The following CEP290 variants were observed in gnomAD, a reference collection of about 807,000 sequenced individuals.
CEP290 encodes the protein centrosomal protein of 290 kDa.
A neutral mutation model predicts 344.9 loss-of-function variants in CEP290; 317 were observed. The observed-to-expected ratio is 0.92, with a 90% CI of 0.84 to 1.01. The LOEUF (loss-of-function observed/expected upper bound fraction) is 1.01. Ranked by LOEUF, CEP290 falls within the 50% of genes least tolerant of loss-of-function variation. The pLI, the probability that CEP290 is intolerant of heterozygous loss-of-function variation, is 0.00. For missense variants in CEP290, 2,754 were observed against 2,761.4 expected (o/e 1.00, Z 0.06); for synonymous variants, 932 against 895.8 (o/e 1.04, Z -0.72).
chr12:88,120,898 G>A (rs961489489), intron 14 of CEP290, 99 bp downstream of exon 14: 1 of 915,472 alleles, frequency 1.1e-6, no homozygotes, highest in Non-Finnish European at 1.6e-6. Context: ...AGATACTTAT[G>A]GAATGTTTTT....
intron 44 of CEP290, among the ~76,000 whole-genome samples, chr12:88,065,923 T>C (rs1433873532): frequency 6.6e-6 from 1 of 152,190 alleles, no homozygotes; most frequent in African/African-American, 2.4e-5. Context: ...TATAACGAAC[T>C]TCACGAGACT....
chr12:88,106,163 G>C (rs1364782709), intron 25 of CEP290, among the ~76,000 whole-genome samples: 1 of 152,124 alleles, frequency 6.6e-6, no homozygotes, highest in African/African-American at 2.4e-5. Flanking sequence ...AAGTATTCTT[G>C]CCAAAAATGT....
intron 27 of CEP290, among the ~76,000 whole-genome samples, chr12:88,096,098 G>T (rs2037408563): frequency 6.6e-6 from 1 of 151,874 alleles, no homozygotes; most frequent in African/African-American, 2.4e-5. Context: ...GCCTAGGCTG[G>T]AGTGCTGTGG....
At chr12:88,077,525 T>C (rs770857199) in intron 40 of CEP290, among the ~76,000 whole-genome samples, 172 bp downstream of exon 40, 11 of 151,966 alleles carry the variant, frequency 7.2e-5, no homozygotes, top group Non-Finnish European at 1.3e-4. Flanking sequence ...CATACTAATA[T>C]GCTACTCTAG....
chr12:88,120,034 A>C, intron 15 of CEP290, 80 bp downstream of exon 15: 2 of 882,002 alleles, frequency 2.3e-6, no homozygotes, highest in Non-Finnish European at 1.6e-6. Context: ...CTTAATAAAT[A>C]ATAATAAACA....
chr12:88,061,810 G>C (rs974571721), intron 46 of CEP290, among the ~76,000 whole-genome samples: 2 of 150,670 alleles, frequency 1.3e-5, no homozygotes, highest in Non-Finnish European at 2.9e-5. Context: ...ATGGAGTCTC[G>C]CTCTGTCGCC....
intron 26 of CEP290, among the ~76,000 whole-genome samples, chr12:88,101,556 G>A (rs1565868226): frequency 1.3e-5 from 2 of 151,064 alleles, no homozygotes; most frequent in African/African-American, 4.9e-5. Flanking sequence ...CAGAGGCTGA[G>A]GCAGGAGAAC....
chr12:88,083,168 C>A lies in CEP290; in HGVS notation c.4875G>T (p.Glu1625Asp). The A allele has an allele frequency of 6.5e-7, 1 of 1,539,328 alleles. No individual in the cohort carries two copies. The highest frequency in any genetic ancestry group is 8.7e-7 in the Non-Finnish European group (1 of 1,145,268). Residue 1625 changes from glutamate (E) to aspartate (D), a missense_variant, in exon 37 of 54, where the codon GAG (glutamate) becomes GAT (aspartate). Glu to Asp is a conservative substitution (Grantham distance 45). Coordinates refer to ENST00000552810, the MANE Select transcript of CEP290 (RefSeq NM_025114.4). ...CTTGTTCTGCTACTGTCTGTTCCAT[C>A]TCAGCCAGACGAATAAAATGCTTGT... ...PTNKHFIRLA[E>D]MEQTVAEQDD...
At chr12:88,096,410 A>T (rs2037436894) in intron 27 of CEP290, among the ~76,000 whole-genome samples, 1 of 152,176 alleles carries the variant, frequency 6.6e-6, no homozygotes, top group South Asian at 2.1e-4. Context: ...ATAATTTAAA[A>T]TATATAAAAT....
At chr12:88,085,015 T>C (rs1173063674) in intron 34 of CEP290, among the ~76,000 whole-genome samples, 163 bp from the exon 35 acceptor site, 1 of 152,156 alleles carries the variant, frequency 6.6e-6, no homozygotes, top group Non-Finnish European at 1.5e-5. Flanking sequence ...TGACTAATTC[T>C]AATTGACAGC....
chr12:88,061,046 C>G (rs962742855), intron 46 of CEP290, 52 bp from the exon 47 acceptor site: 1 of 1,338,752 alleles, frequency 7.5e-7, no homozygotes, highest in Non-Finnish European at 1.0e-6. Context: ...AAGTATAATA[C>G]GAAGTACCAA....
chr12:88,078,980 C>T lies in CEP290; in HGVS notation c.5364+112G>A, dbSNP rs192990054. On this transcript the variant is annotated intron_variant, in intron 39 of 53. Coordinates refer to ENST00000552810, the MANE Select transcript of CEP290 (RefSeq NM_025114.4). Reference sequence around the variant, plus strand: ...GTGTGTGTCTATGTCTAGCCACCAACAGTGCATTATAAATTCCCTATTCAT... The same window carrying T: ...GTGTGTGTCTATGTCTAGCCACCAATAGTGCATTATAAATTCCCTATTCAT... The T allele has an allele frequency of 4.3e-3, 3,517 of 815,304 alleles. 11 individuals carry two copies. The highest frequency in any genetic ancestry group is 5.1e-3 in the Non-Finnish European group (2,859 of 565,376). The allele number at this position is 815,304 out of a possible 1,614,324, so 50.5% of individuals were successfully genotyped here.
chr12:88,113,154 G>A (rs1218173128), intron 20 of CEP290, among the ~76,000 whole-genome samples: 1 of 152,104 alleles, frequency 6.6e-6, no homozygotes, highest in East Asian at 1.9e-4. Flanking sequence ...AGTGGCTTCA[G>A]GAAGGTCCAG....
intron 17 of CEP290, 101 bp downstream of exon 17, chr12:88,118,382 C>T (rs2039191930): frequency 1.1e-6 from 1 of 902,554 alleles, no homozygotes; most frequent in Non-Finnish European, 1.7e-6. Flanking sequence ...GTAGCAGATC[C>T]ACAATAGAAC....
chr12:88,081,172 C>A (rs1480233429), intron 37 of CEP290, among the ~76,000 whole-genome samples: 2 of 152,094 alleles, frequency 1.3e-5, no homozygotes, highest in Non-Finnish European at 2.9e-5. Flanking sequence ...ACCAGTAGCA[C>A]CCCCGAGCCA....
In CEP290 at chr12:88,087,922, A is replaced by G. The variant is rs1345830550; in HGVS notation, c.4052T>C (p.Ile1351Thr). The change falls in exon 32 of 54, where the codon ATA becomes ACA. Residue 1351 changes from isoleucine to threonine, a missense_variant. Transcript: ENST00000552810. The part of the protein sequence containing the change: ...AQKVINWHMK[I>T]EELRLQELKL... The stretch of plus-strand genomic sequence containing the variant: ...AAGTTCTTGAAGACGAAGTTCTTCT[A>G]TTTTCATATGCCAGTTGATTACCTA... 2.5e-6 allele frequency: 3 copies of G among 1,189,268 alleles called. No homozygotes were observed. The highest frequency in any genetic ancestry group is 3.2e-5 in the African/African-American group (2 of 63,242). The allele number at this position is 1,189,268 out of a possible 1,614,324, so 73.7% of individuals were successfully genotyped here.
At chr12:88,091,638 A>G (rs2037051709) in intron 29 of CEP290, among the ~76,000 whole-genome samples, 1 of 152,146 alleles carries the variant, frequency 6.6e-6, no homozygotes, top group Non-Finnish European at 1.5e-5. Context: ...GTTAGTTTAT[A>G]TCAAAAGAGG....
intron 3 of CEP290, 80 bp from the exon 4 acceptor site, chr12:88,139,644 G>C: frequency 1.8e-6 from 2 of 1,084,172 alleles, no homozygotes; most frequent in South Asian, 5.9e-5. Flanking sequence ...TGTTTTATTT[G>C]TTATGATCCT....
chr12:88,106,909 C>T lies in CEP290; in HGVS notation c.2587-4G>A. The T allele has an allele frequency of 6.3e-7, 1 of 1,594,726 alleles. No individual in the cohort carries two copies. Among genetic ancestry groups the T allele is most frequent in the South Asian group, 1.1e-5 (1 of 88,588 alleles). On this transcript the variant is annotated splice_polypyrimidine_tract_variant and splice_region_variant and intron_variant, in intron 24 of 53. Transcript: ENST00000552810. ...TCTGAAGAGCATTGAGCAAATTCTG[C>T]ACAAAGACACATCCATATTACTTGT...
Sources: gnomAD v4.1 joint callset for allele counts (sites outside exome capture counted in the v4.1 genomes callset) on GRCh38, gnomAD v4.1.1 for gene constraint, MANE v1.5 for transcripts, NCBI Gene and HGNC (gene_info 2026-07-23, HGNC 2026-07-21) for gene names.